The following NDUFA5 variants were observed in gnomAD, a reference collection of about 807,000 sequenced individuals.
The protein encoded by NDUFA5 is NADH dehydrogenase [ubiquinone] 1 alpha subcomplex subunit 5.
In NDUFA5, 11 loss-of-function variants were observed where a neutral mutation model predicts 19.8. That is an observed-to-expected ratio of 0.56 (90% CI 0.35 to 0.92). The LOEUF (loss-of-function observed/expected upper bound fraction) is 0.92. Ranked by LOEUF, NDUFA5 falls within the 40% of genes least tolerant of loss-of-function variation. The pLI is 0.01. For synonymous variants in NDUFA5, 47 were observed against 46.8 expected (o/e 1.00, Z -0.01); for missense variants, 109 against 134.2 (o/e 0.81, Z 0.93).
chr7:123,542,532 C>A (rs932685291), intron 4 of NDUFA5, among the ~76,000 whole-genome samples: 2 of 152,228 alleles, frequency 1.3e-5, no homozygotes, highest in Admixed American at 6.5e-5. Context: ...TATGTCTTTT[C>A]ATCTATGTCA....
chr7:123,592,180 T>C, the NDUFA5 span, among the ~76,000 whole-genome samples: 1 of 152,194 alleles, frequency 6.6e-6, no homozygotes, highest in Non-Finnish European at 1.5e-5. Context: ...TATTTGATTC[T>C]TATCTCTTTT....
At chr7:123,543,076 A>G (rs1798001928) in intron 4 of NDUFA5, among the ~76,000 whole-genome samples, 1 of 152,236 alleles carries the variant, frequency 6.6e-6, no homozygotes, top group Non-Finnish European at 1.5e-5. Context: ...CATCTATGAC[A>G]GCGGTCCCAA....
chr7:123,553,793 T>C (rs1248535853), intron 2 of NDUFA5, among the ~76,000 whole-genome samples: 1 of 152,184 alleles, frequency 6.6e-6, no homozygotes, highest in Non-Finnish European at 1.5e-5. Context: ...ATAGGGTATA[T>C]ACAACTTAGA....
chr7:123,556,207 A>C (rs908368436), intron 2 of NDUFA5: 1 of 152,216 alleles, frequency 6.6e-6, no homozygotes, highest in African/African-American at 2.4e-5. Flanking sequence ...AGACTGAGAG[A>C]AGAGCAGGTT....
At chr7:123,583,353 G>A in the NDUFA5 span, among the ~76,000 whole-genome samples, 1 of 151,910 alleles carries the variant, frequency 6.6e-6, no homozygotes, top group South Asian at 2.1e-4. Context: ...TGGGAAGTGG[G>A]AACTAACGGG....
chr7:123,542,328 T>C, intron 4 of NDUFA5, 108 bp from the exon 5 acceptor site: 1 of 710,462 alleles, frequency 1.4e-6, no homozygotes, highest in Non-Finnish European at 2.3e-6. Flanking sequence ...TAATATCTCA[T>C]AATCTATTCC....
the NDUFA5 span, among the ~76,000 whole-genome samples, chr7:123,572,912 T>G: frequency 3.3e-5 from 5 of 152,130 alleles, no homozygotes; most frequent in African/African-American, 1.2e-4. Flanking sequence ...TTTTTCTTTT[T>G]TCTCTTTTTT....
At chr7:123,544,621 C>A (rs950516851) in intron 4 of NDUFA5, among the ~76,000 whole-genome samples, 2 of 150,956 alleles carry the variant, frequency 1.3e-5, no homozygotes, top group East Asian at 1.9e-4. Context: ...AGGTTAATAT[C>A]TTTTATTATA....
the NDUFA5 span, among the ~76,000 whole-genome samples, chr7:123,572,288 C>T: frequency 3.3e-5 from 5 of 151,408 alleles, no homozygotes; most frequent in African/African-American, 9.7e-5. Context: ...ACTGTAGGCA[C>T]GCGCCACCAT....
the NDUFA5 span, among the ~76,000 whole-genome samples, chr7:123,597,838 A>T: frequency 6.6e-6 from 1 of 152,226 alleles, no homozygotes; most frequent in South Asian, 2.1e-4. Context: ...CTGAAAAAAA[A>T]ATAATCCTTC....
At chr7:123,547,571 G>A (rs968575703) in intron 3 of NDUFA5, among the ~76,000 whole-genome samples, 1 of 151,984 alleles carries the variant, frequency 6.6e-6, no homozygotes, top group African/African-American at 2.4e-5. Flanking sequence ...GAAAGGGGGA[G>A]AAAAGGGGAA....
At chr7:123,558,655 G>T (rs2037696), upstream of NDUFA5, among the ~76,000 whole-genome samples, 102,614 of 151,926 alleles carry the variant, frequency 0.68, 35,011 homozygotes, top group Middle Eastern at 0.84. Context: ...CAAAGGAAAA[G>T]AGGTTAAAAA....
the NDUFA5 span, among the ~76,000 whole-genome samples, chr7:123,568,466 A>G: frequency 6.6e-6 from 1 of 151,844 alleles, no homozygotes; most frequent in African/African-American, 2.4e-5. Flanking sequence ...GGTTGCAGTG[A>G]GCAGAGATCG....
intron 2 of NDUFA5, among the ~76,000 whole-genome samples, chr7:123,552,636 TAA>T (rs774901648): frequency 3.9e-4 from 26 of 67,394 alleles, no homozygotes; most frequent in African/African-American, 1.1e-3. Flanking sequence ...AAAGTATAAC[TAA>T]AAAAAAAAAA....
chr7:123,577,625 G>A, the NDUFA5 span, among the ~76,000 whole-genome samples: 2 of 152,046 alleles, frequency 1.3e-5, no homozygotes, highest in African/African-American at 4.8e-5. Flanking sequence ...GGTCCTCTTA[G>A]AAATTGATCA....
chr7:123,599,929 C>T, the NDUFA5 span, among the ~76,000 whole-genome samples: 16 of 152,248 alleles, frequency 1.1e-4, no homozygotes, highest in South Asian at 2.5e-3. Context: ...AGCTAGGACT[C>T]ATTTTGTTTC....
the NDUFA5 span, among the ~76,000 whole-genome samples, chr7:123,597,830 GA>G: frequency 4.0e-5 from 6 of 149,496 alleles, no homozygotes; most frequent in Non-Finnish European, 5.9e-5. Flanking sequence ...GACTTCATCT[GA>G]AAAAAAAATA....
chr7:123,546,964 C>T, intron 3 of NDUFA5: 2 of 357,920 alleles, frequency 5.6e-6, no homozygotes, highest in South Asian at 4.2e-5. Flanking sequence ...TCCCTAACTG[C>T]AATTATAAGT....
the NDUFA5 span, among the ~76,000 whole-genome samples, chr7:123,585,531 A>G: frequency 6.6e-5 from 10 of 151,848 alleles, no homozygotes; most frequent in African/African-American, 2.4e-4. Context: ...TAAAACGTGT[A>G]TATACATAAT....
Sources: gnomAD v4.1 joint callset for allele counts (sites outside exome capture counted in the v4.1 genomes callset) on GRCh38, gnomAD v4.1.1 for gene constraint, MANE v1.5 for transcripts, NCBI Gene and HGNC (gene_info 2026-07-23, HGNC 2026-07-21) for gene names.